PLEKHG6: variants seen among roughly 807,000 people sequenced by gnomAD.
PLEKHG6 encodes pleckstrin homology and RhoGEF domain containing G6.
In PLEKHG6, 91 loss-of-function variants were observed where a neutral mutation model predicts 97.5. The ratio of observed to expected loss-of-function variants is 0.93; its 90% CI spans 0.79 to 1.11. The LOEUF (loss-of-function observed/expected upper bound fraction) is 1.11. Among genes scored for constraint, PLEKHG6 ranks in the 50% most tolerant of loss-of-function variants. PLEKHG6 has a pLI of 0.00. For synonymous variants in PLEKHG6, 466 were observed against 425.5 expected (o/e 1.10, Z -1.17); for missense variants, 1,044 against 1,031.0 (o/e 1.01, Z -0.17).
chr12:6,311,657 A>T (rs1947272267), intron 1 of PLEKHG6, among the ~76,000 whole-genome samples: 2 of 152,184 alleles, frequency 1.3e-5, no homozygotes, highest in African/African-American at 4.8e-5. Context: ...TGTTTCAACT[A>T]TGTAAATATG....
At chr12:6,322,131 T>C (rs968219289) in intron 13 of PLEKHG6, among the ~76,000 whole-genome samples, 3 of 152,200 alleles carry the variant, frequency 2.0e-5, no homozygotes, top group African/African-American at 4.8e-5. Flanking sequence ...AAGAGCACAG[T>C]TGGCCTCCCG....
chr12:6,313,755 G>T lies in PLEKHG6; in HGVS notation c.265G>T (p.Ala89Ser), dbSNP rs990246408. The change falls in exon 3 of 16, where the codon GCT becomes TCT. Residue 89 changes from alanine to serine, a missense_variant. Transcript: ENST00000684764. ...GAAGAGGCACGGGGGCCATGTGGGG[G>T]CTGGCCTGCTTCACTCCCCCAAACT... is the stretch of plus-strand genomic sequence containing the variant. ...PEKRHGGHVG[A>S]GLLHSPKLKE... 3 of 1,602,090 alleles carry T rather than the reference G, an allele frequency of 1.9e-6. No homozygotes were observed. Among genetic ancestry groups the T allele is most frequent in the Non-Finnish European group, 8.5e-7 (1 of 1,174,268 alleles).
chr12:6,326,433 C>T lies in PLEKHG6; in HGVS notation c.1530C>T (p.Ala510=), dbSNP rs1403587949. The T allele has an allele frequency of 6.2e-7, 1 of 1,613,692 alleles. No homozygotes were observed. The highest frequency in any genetic ancestry group is 1.1e-5 in the South Asian group (1 of 91,060). The part of the protein sequence containing the change: ...WLEKTQQAQA[A]LQKLKAEEYV... ...ACGAAAGTGTCCTGTCCCAGGCCGC[C>T]CTACAGAAGCTGAAGGCAGAGGAGT... is the stretch of plus-strand genomic sequence containing the variant. The change falls in exon 14 of 16, where the codon GCC becomes GCT. Residue 510 remains alanine, a synonymous_variant. Transcript: ENST00000684764.
At chr12:6,314,470 G>A (rs1040085818) in intron 3 of PLEKHG6, among the ~76,000 whole-genome samples, 2 of 151,936 alleles carry the variant, frequency 1.3e-5, no homozygotes, top group African/African-American at 2.4e-5. Context: ...TTGCGCCACT[G>A]CACTCCAGCC....
intron 13 of PLEKHG6, among the ~76,000 whole-genome samples, chr12:6,320,078 A>G (rs1592030427): frequency 6.6e-6 from 1 of 152,156 alleles, no homozygotes; most frequent in African/African-American, 2.4e-5. Flanking sequence ...GTGTTGAGAG[A>G]ACTGCCCCCA....
Position 6,312,425 on chromosome 12 carries a change from G to A in PLEKHG6, c.138+61G>A. ...GGGCAGGAGGGAAGACACCTAGGCT[G>A]TGGAGTCTCTGTCCCCTTACAGGTT... On this transcript the variant is annotated intron_variant, in intron 2 of 15. Coordinates refer to ENST00000684764, the MANE Select transcript of PLEKHG6 (RefSeq NM_001384598.1). 2.7e-6 allele frequency: 4 copies of A among 1,493,612 alleles called. No individual in the cohort carries two copies. The South Asian group carries it at 3.9e-5, about 15-fold the overall frequency. 92.5% of individuals were successfully genotyped at this position (1,493,612 alleles called of 1,614,324 possible).
rs960316144 is a variant in PLEKHG6, at chr12:6,327,728, GGAA to G, written c.2151_2153del (p.Glu718del). On this transcript the variant is annotated inframe_deletion, in exon 15 of 16. Transcript: ENST00000684764. ...GCCCCTGGGAGTCCTCAGGGGAGGA[GGAA>G]GAAGAGGGGCCTCTGTTCCTGAAAG... The G allele has an allele frequency of 1.3e-6, 2 of 1,553,390 alleles. No homozygotes were observed. The highest frequency in any genetic ancestry group is 8.7e-7 in the Non-Finnish European group (1 of 1,152,894).
At position 6,328,150 on chromosome 12, in the gene PLEKHG6, TGCAGAGGACCTTTG is replaced by T. The variant is rs1592041200; in HGVS notation, c.*9_*22del. The T allele has an allele frequency of 6.2e-7, 1 of 1,613,970 alleles. No homozygotes were observed. Among genetic ancestry groups the T allele is most frequent in the Non-Finnish European group, 8.5e-7 (1 of 1,179,854 alleles). The stretch of plus-strand genomic sequence containing the variant: ...TGTCTTTTCAGAGAGGTATGAGGAA[TGCAGAGGACCTTTG>T]GCATGCATCTCTCCCAGAGGAGATC... On this transcript the variant is annotated 3_prime_UTR_variant, in exon 16 of 16. Transcript: ENST00000684764.
chr12:6,328,236 C>A lies in PLEKHG6; in HGVS notation c.*91C>A. 7.6e-7 allele frequency: 1 copy of A among 1,316,224 alleles called. No individual in the cohort carries two copies. Among genetic ancestry groups the A allele is most frequent in the Non-Finnish European group, 1.1e-6 (1 of 914,734 alleles). The allele number at this position is 1,316,224 out of a possible 1,614,324, so 81.5% of individuals were successfully genotyped here. A position where few individuals can be genotyped will look rare whatever the true frequency, so the allele number is the denominator to read the frequency against. ...CCCTCCGGCATCTGTGACTCTACCT[C>A]AAGGACCACATTTCCCAAAGGAAGC... On this transcript the variant is annotated 3_prime_UTR_variant, in exon 16 of 16. Transcript: ENST00000684764.
intron 13 of PLEKHG6, among the ~76,000 whole-genome samples, chr12:6,324,043 G>T (rs553492517): frequency 6.6e-6 from 1 of 152,232 alleles, no homozygotes; most frequent in South Asian, 2.1e-4. Flanking sequence ...AAAGGAAGAA[G>T]AATCCTGCTA....
chr12:6,318,863 C>T lies in PLEKHG6; in HGVS notation c.1394C>T (p.Pro465Leu). 3.7e-6 allele frequency: 6 copies of T among 1,614,234 alleles called. No homozygotes were observed. Among genetic ancestry groups the T allele is most frequent in the Non-Finnish European group, 5.1e-6 (6 of 1,180,038 alleles). ...ATGCTGGAGAAGCTCGTGTGCCAAC[C>T]CCTGCGAGACCCCAGTACGTCCTTC... ...PLMLEKLVCQ[P>L]LRDPNSFLLI... The change falls in exon 12 of 16, where the codon CCC (proline) becomes CTC (leucine). Residue 465 changes from proline to leucine, a missense_variant. Transcript: ENST00000684764.
intron 7 of PLEKHG6, 74 bp from the exon 8 acceptor site, chr12:6,317,229 G>T: frequency 1.1e-6 from 1 of 949,668 alleles, no homozygotes; most frequent in Non-Finnish European, 1.7e-6. Context: ...CTGCTCCTGG[G>T]TCCTGCAGCT....
chr12:6,327,941 C>T lies in PLEKHG6; in HGVS notation c.2358C>T (p.Ser786=), dbSNP rs754245266. The T allele has an allele frequency of 1.7e-5, 25 of 1,491,372 alleles. No individual in the cohort carries two copies. The highest frequency in any genetic ancestry group is 9.7e-5 in the Admixed American group (4 of 41,320). 92.4% of individuals were successfully genotyped at this position (1,491,372 alleles called of 1,614,324 possible). A position where few individuals can be genotyped will look rare whatever the true frequency, so the allele number is the denominator to read the frequency against. ...PHIIQLDTPL[S]ASEV ...TCATTCAGCTGGACACCCCTCTGTC[C>T]GCATCGTAAGTGCTGGAGGGAAGCT... The change falls in exon 15 of 16, where the codon TCC becomes TCT. Residue 786 remains serine (S), a synonymous_variant. Transcript: ENST00000684764.
intron 1 of PLEKHG6, among the ~76,000 whole-genome samples, chr12:6,311,801 T>TTA (rs1369413244): frequency 4.5e-5 from 5 of 111,662 alleles, no homozygotes; most frequent in African/African-American, 1.7e-4. Flanking sequence ...GGGGATGGGG[T>TTA]TATATCTAGG....
Position 6,317,747 on chromosome 12 carries a change from G to A in PLEKHG6, c.1017+51G>A, listed in dbSNP as rs768484763. 10 of 1,600,688 alleles carry A rather than the reference G, an allele frequency of 6.2e-6. No individual in the cohort carries two copies. In the South Asian group the frequency reaches 7.8e-5, roughly 12 times the overall value. The stretch of plus-strand genomic sequence containing the variant: ...TCTGGTGAATCGGGGACTGGGAGGG[G>A]GGTCTCTTTCTTAGTGTGTCTGTGA... On this transcript the variant is annotated intron_variant, in intron 9 of 15. Transcript: ENST00000684764.
chr12:6,324,654 A>G (rs939192384), intron 13 of PLEKHG6, among the ~76,000 whole-genome samples: 1 of 152,192 alleles, frequency 6.6e-6, no homozygotes, highest in African/African-American at 2.4e-5. Context: ...AACAGACCAC[A>G]TCTTATGAGA....
intron 13 of PLEKHG6, among the ~76,000 whole-genome samples, chr12:6,320,649 A>T (rs74059203): frequency 0.016 from 2,497 of 152,216 alleles, 67 homozygotes; most frequent in African/African-American, 0.055. Flanking sequence ...AGCTCTTAGG[A>T]TCTCTGCAAA....
At chr12:6,321,163 G>T (rs754311768) in intron 13 of PLEKHG6, among the ~76,000 whole-genome samples, 2 of 152,086 alleles carry the variant, frequency 1.3e-5, no homozygotes, top group Admixed American at 1.3e-4. Context: ...GGGACTGCAG[G>T]TGTGTACCAC....
In PLEKHG6 at chr12:6,318,716, G is replaced by A. The variant is rs749429733; in HGVS notation, c.1276-29G>A. On this transcript the variant is annotated intron_variant, in intron 11 of 15. Coordinates refer to ENST00000684764, the MANE Select transcript of PLEKHG6 (RefSeq NM_001384598.1). ...CCTGCCCCTGGCTCCAGCTGACCCT[G>A]TCTCTTTCCCCTACGCCCCCACCCC... 2.5e-6 allele frequency: 4 copies of A among 1,610,028 alleles called. No individual in the cohort carries two copies. The Admixed American group carries it at 5.0e-5, about 20-fold the overall frequency.
Sources: gnomAD v4.1 joint callset for allele counts (sites outside exome capture counted in the v4.1 genomes callset) on GRCh38, gnomAD v4.1.1 for gene constraint, MANE v1.5 for transcripts, NCBI Gene and HGNC (gene_info 2026-07-23, HGNC 2026-07-21) for gene names.